The following RBM34 variants were observed in gnomAD, a reference collection of about 807,000 sequenced individuals.
The protein encoded by RBM34 is RNA-binding protein 34.
RBM34 carries 39 observed loss-of-function variants against 44.6 expected under a neutral mutation model. That is an observed-to-expected ratio of 0.87 (90% CI 0.68 to 1.14). The LOEUF is 1.14. RBM34 is among the 50% of genes most tolerant of loss of function. The pLI is 0.00. For synonymous variants in RBM34, 194 were observed against 184.0 expected, an observed-to-expected ratio of 1.05 and a Z score of -0.44; for missense variants, 572 against 517.9, an observed-to-expected ratio of 1.10 and a Z score of -1.01.
chr1:235,159,149 A>T (rs1432581222), intron 3 of RBM34, among the ~76,000 whole-genome samples: 1 of 150,410 alleles, frequency 6.6e-6, no homozygotes, highest in East Asian at 2.0e-4. Flanking sequence ...GGAAGCAAAG[A>T]TTGCAGTGAG....
chr1:235,139,490 C>T (rs1397950952), intron 6 of RBM34, among the ~76,000 whole-genome samples: 2 of 152,054 alleles, frequency 1.3e-5, no homozygotes, highest in Non-Finnish European at 2.9e-5. Flanking sequence ...GATGAAATGG[C>T]AACAAGTGGC....
Position 235,158,352 on chromosome 1 carries a change from G to T in RBM34, c.365+2159C>A, listed in dbSNP as rs538730262. ...GAATCGCTTGAACCCAGAGGCGGAG[G>T]TTGCAGTGAGCAAAAATTGCACTGT... On this transcript the variant is annotated intron_variant, in intron 3 of 10. Transcript: ENST00000408888. 1.1e-3 allele frequency among the ~76,000 whole-genome samples: 164 copies of T among 151,624 alleles called. 1 individual carries two copies. The highest frequency in any genetic ancestry group is 3.9e-3 in the African/African-American group (161 of 41,328).
intron 3 of RBM34, among the ~76,000 whole-genome samples, chr1:235,158,106 G>A (rs541022704): frequency 1.1e-4 from 17 of 152,042 alleles, no homozygotes; most frequent in African/African-American, 3.9e-4. Context: ...TCGTGAGCAC[G>A]TCTATATTAG....
rs1661404465 is a variant in RBM34 at position 235,135,772 on chromosome 1, T to G, written c.890-2A>C. 6.2e-7 allele frequency: 1 copy of G among 1,609,782 alleles called. No individual in the cohort carries two copies. The highest frequency in any genetic ancestry group is 8.5e-7 in the Non-Finnish European group (1 of 1,176,244). ...TCTCAATGGCAGATTCTTCAACTTC[T>G]GAAAACAAATTCAATCAAAATGGAA... On this transcript the variant is annotated splice_acceptor_variant, in intron 9 of 10. Transcript: ENST00000408888. LOFTEE classifies it high-confidence loss of function.
chr1:235,154,012 C>T (rs1014396160), intron 4 of RBM34, among the ~76,000 whole-genome samples: 5 of 151,768 alleles, frequency 3.3e-5, no homozygotes, highest in African/African-American at 7.3e-5. Flanking sequence ...TTTGGGAGGC[C>T]GAGGCGGACG....
chr1:235,149,266 G>A (rs1050108083), intron 5 of RBM34, among the ~76,000 whole-genome samples: 2 of 151,662 alleles, frequency 1.3e-5, no homozygotes, highest in African/African-American at 2.4e-5. Flanking sequence ...GCGGGCGCCT[G>A]TAGTCCCAGC....
chr1:235,143,021 T>A (rs1021954694), intron 6 of RBM34, among the ~76,000 whole-genome samples: 1 of 151,062 alleles, frequency 6.6e-6, no homozygotes, highest in African/African-American at 2.4e-5. Context: ...AGGTGTTATA[T>A]CTAGAATATA....
In RBM34 at chr1:235,131,799, TA is replaced by T. The variant is rs773410897; in HGVS notation, c.1206del (p.Phe402LeufsTer51). ...KTAEGHPKSL[F>X]IGEKAVLLKT... is the part of the protein sequence containing the mutation. Reference sequence around the variant, plus strand: ...TTAAGGAGAACAGCTTTTTCTCCAATAAATAAGCTTTTAGGATGTCCTTCTG... The same window carrying T: ...TTAAGGAGAACAGCTTTTTCTCCAATAATAAGCTTTTAGGATGTCCTTCTG... On this transcript the variant is annotated frameshift_variant, in exon 11 of 11. Coordinates refer to ENST00000408888, the MANE Select transcript of RBM34 (RefSeq NM_015014.4). LOFTEE classifies it high-confidence loss of function. 6.2e-7 allele frequency: 1 copy of T among 1,614,076 alleles called. No individual in the cohort carries two copies. Among genetic ancestry groups the T allele is most frequent in the South Asian group, 1.1e-5 (1 of 91,068 alleles).
intron 5 of RBM34, 28 bp downstream of exon 5, chr1:235,152,678 T>C (rs375355068): frequency 6.9e-6 from 11 of 1,594,680 alleles, no homozygotes; most frequent in East Asian, 2.2e-5. Context: ...TTTAATATTA[T>C]GTAATTTTAC....
chr1:235,149,103 A>C (rs1373925346), intron 5 of RBM34, among the ~76,000 whole-genome samples: 1 of 151,666 alleles, frequency 6.6e-6, no homozygotes, highest in Non-Finnish European at 1.5e-5. Context: ...AAATGTAAGG[A>C]AAAGGCCGGG....
chr1:235,158,723 G>C (rs777098647), intron 3 of RBM34, among the ~76,000 whole-genome samples: 1 of 152,138 alleles, frequency 6.6e-6, no homozygotes, highest in Non-Finnish European at 1.5e-5. Flanking sequence ...AAGGAAATAA[G>C]GGGCTTGAGG....
At chr1:235,160,341 G>T in intron 3 of RBM34, 170 bp downstream of exon 3, 3 of 831,016 alleles carry the variant, frequency 3.6e-6, no homozygotes, top group South Asian at 1.4e-5. Flanking sequence ...CTGATGCTGA[G>T]TACACGGGGT....
At chr1:235,144,499 T>TAAA (rs67277220) in intron 6 of RBM34, among the ~76,000 whole-genome samples, 18,386 of 131,864 alleles carry the variant, frequency 0.14, 1,266 homozygotes, top group Middle Eastern at 0.25. Flanking sequence ...CTTAATAAAC[T>TAAA]AAAAAAAAAA....
intron 5 of RBM34, chr1:235,152,361 G>A (rs1662201627): frequency 2.0e-6 from 1 of 508,746 alleles, no homozygotes; most frequent in African/African-American, 2.1e-5. Flanking sequence ...TAATGTGTAT[G>A]ATGGGACATA....
intron 5 of RBM34, among the ~76,000 whole-genome samples, chr1:235,150,336 G>C (rs899440284): frequency 1.3e-5 from 2 of 152,158 alleles, no homozygotes; most frequent in African/African-American, 4.8e-5. Flanking sequence ...CTCCCAAAGT[G>C]CTGGGTTACA....
Position 235,131,632 on chromosome 1 carries a change from A to T in RBM34, c.*81T>A. ...AAAGAAGTATAAAACTCAACACATGAATAGCAGACGATGCTATCAGCAGAT... is the reference window on the plus strand; with the variant it reads ...AAAGAAGTATAAAACTCAACACATGTATAGCAGACGATGCTATCAGCAGAT... On this transcript the variant is annotated 3_prime_UTR_variant, in exon 11 of 11. Transcript: ENST00000408888. 1 of 1,435,804 alleles carries T rather than the reference A, an allele frequency of 7.0e-7. No homozygotes were observed. Among genetic ancestry groups the T allele is most frequent in the South Asian group, 1.4e-5 (1 of 71,540 alleles). The allele number at this position is 1,435,804 out of a possible 1,614,324, so 88.9% of individuals were successfully genotyped here.
chr1:235,144,576 T>G (rs1344138918), intron 6 of RBM34, among the ~76,000 whole-genome samples: 2 of 149,888 alleles, frequency 1.3e-5, no homozygotes, highest in African/African-American at 4.9e-5. Flanking sequence ...AAATTTCCCA[T>G]AAGCCAAGTC....
rs778841894 is a variant in RBM34, at chr1:235,136,069, T to A, written c.854A>T (p.Asp285Val). 1.1e-5 allele frequency: 17 copies of A among 1,600,020 alleles called. No individual in the cohort carries two copies. Among genetic ancestry groups the A allele is most frequent in the Admixed American group, 1.7e-5 (1 of 59,310 alleles). The change falls in exon 9 of 11, where the codon GAC (aspartate) becomes GTC (valine). Residue 285 changes from aspartate to valine, a missense_variant. Coordinates refer to ENST00000408888, the MANE Select transcript of RBM34 (RefSeq NM_015014.4). ...VDLASETSSR[D>V]KRSVFVGNLP... The stretch of plus-strand genomic sequence containing the variant: ...ATTCCCCACAAAAACCGATCTCTTG[T>A]CTCTCTGAAACAAAAAGACAGTTAA...
At chr1:235,134,754 T>C (rs1661343686) in intron 10 of RBM34, among the ~76,000 whole-genome samples, 1 of 151,810 alleles carries the variant, frequency 6.6e-6, no homozygotes, top group Admixed American at 6.6e-5. Context: ...GGTTTTTTTT[T>C]TTTTTTTGAG....
Sources: gnomAD v4.1 joint callset for allele counts (sites outside exome capture counted in the v4.1 genomes callset) on GRCh38, gnomAD v4.1.1 for gene constraint, MANE v1.5 for transcripts, NCBI Gene and HGNC (gene_info 2026-07-23, HGNC 2026-07-21) for gene names.